ANKFN1: variants seen among roughly 807,000 people sequenced by gnomAD.
ANKFN1 encodes the protein ankyrin repeat and fibronectin type III domain containing 1.
A neutral mutation model predicts 108.7 loss-of-function variants in ANKFN1; 74 were observed. The ratio of observed to expected loss-of-function variants is 0.68; its 90% CI spans 0.56 to 0.83. The LOEUF is 0.83. ANKFN1 is among the 40% of genes least tolerant of loss of function. ANKFN1 has a pLI of 0.00. For missense variants in ANKFN1, 1,505 were observed against 1,382.3 expected (o/e 1.09, Z -1.41); for synonymous variants, 547 against 516.2 (o/e 1.06, Z -0.81).
Position 56,513,834 on chromosome 17 carries a change from C to T in ANKFN1, c.*2565C>T, listed in dbSNP as rs980366183. Reference sequence around the variant, plus strand: ...ATCAATTGAAAATGCATTTTCTTAGCAACATTCTTAAATAAAAGTGGGTAT... The same window carrying T: ...ATCAATTGAAAATGCATTTTCTTAGTAACATTCTTAAATAAAAGTGGGTAT... On this transcript the variant is annotated 3_prime_UTR_variant, in exon 21 of 21. Transcript: ENST00000682825. 2.6e-5 allele frequency among the ~76,000 whole-genome samples: 4 copies of T among 152,166 alleles called. No homozygotes were observed. The highest frequency in any genetic ancestry group is 9.7e-5 in the African/African-American group (4 of 41,444).
At chr17:56,207,852 G>T (rs1465647991) in intron 1 of ANKFN1, among the ~76,000 whole-genome samples, 1 of 152,068 alleles carries the variant, frequency 6.6e-6, no homozygotes, top group South Asian at 2.1e-4. Flanking sequence ...TAGATGTGAA[G>T]CCAGTAACTT....
chr17:56,197,461 A>G (rs1913627315), intron 1 of ANKFN1, among the ~76,000 whole-genome samples: 1 of 152,202 alleles, frequency 6.6e-6, no homozygotes, highest in African/African-American at 2.4e-5. Context: ...AAACCATCGG[A>G]TGGAGGTGTC....
intron 20 of ANKFN1, among the ~76,000 whole-genome samples, chr17:56,508,793 T>G (rs1054084408): frequency 2.6e-5 from 4 of 152,222 alleles, no homozygotes; most frequent in African/African-American, 7.2e-5. Flanking sequence ...CATACTTTCT[T>G]TATACATCCA....
chr17:56,073,800 A>G (rs1489124255), intron 4 of ANKFN1, among the ~76,000 whole-genome samples: 1 of 152,178 alleles, frequency 6.6e-6, no homozygotes. Flanking sequence ...CACTTAGCAT[A>G]ATGTTTGTAA....
At chr17:56,409,508 T>C (rs2048024750) in intron 8 of ANKFN1, among the ~76,000 whole-genome samples, 1 of 152,216 alleles carries the variant, frequency 6.6e-6, no homozygotes, top group Admixed American at 6.5e-5. Flanking sequence ...CTTCTGGGAC[T>C]TGGAGTTGAA....
intron 6 of ANKFN1, among the ~76,000 whole-genome samples, chr17:56,360,934 C>A (rs574588886): frequency 4.6e-5 from 7 of 152,240 alleles, no homozygotes; most frequent in African/African-American, 1.7e-4. Context: ...ATTAGATCCC[C>A]AGATCTTGTT....
At position 56,372,617 on chromosome 17, in the gene ANKFN1, G is replaced by C. The variant is rs780327874; in HGVS notation, c.602-29G>C. On this transcript the variant is annotated intron_variant, in intron 6 of 20. Transcript: ENST00000682825. ...GAAGCAGCATTTCCCCAGAAAGAAA[G>C]AGAAGTAATCCCATTTCTTTCCCTT... The C allele has an allele frequency of 8.9e-6, 14 of 1,579,316 alleles. No individual in the cohort carries two copies. The East Asian group carries it at 2.9e-4, about 33-fold the overall frequency.
chr17:56,316,036 A>G (rs370437924), intron 3 of ANKFN1, among the ~76,000 whole-genome samples: 33 of 152,190 alleles, frequency 2.2e-4, no homozygotes, highest in African/African-American at 7.7e-4. Flanking sequence ...CTTAGGTCAG[A>G]CGCTCCTGAC....
Position 56,457,307 on chromosome 17 carries a change from C to A in ANKFN1, c.1358C>A (p.Thr453Asn), listed in dbSNP as rs750154111. 6.2e-7 allele frequency: 1 copy of A among 1,602,552 alleles called. No individual in the cohort carries two copies. Among genetic ancestry groups the A allele is most frequent in the South Asian group, 1.1e-5 (1 of 89,728 alleles). Residue 453 changes from threonine (T) to asparagine (N), a missense_variant, in exon 13 of 21, where the codon ACC (threonine) becomes AAC (asparagine). Physicochemically the swap from Thr to Asn is moderately conservative, Grantham distance 65. Transcript: ENST00000682825. Reference protein sequence around the residue: ...IFYYKDNILVTNEDQVPIVEI... With the variant: ...IFYYKDNILVNNEDQVPIVEI... ...TATTACAAAGACAATATCTTAGTCA[C>A]CAATGAAGATCAAGTACCAATTGTT... is the stretch of plus-strand genomic sequence containing the variant.
At chr17:56,168,624 C>T (rs28464410) in intron 1 of ANKFN1, among the ~76,000 whole-genome samples, 3,468 of 152,256 alleles carry the variant, frequency 0.023, 138 homozygotes, top group African/African-American at 0.079. Context: ...TCTAGAATAT[C>T]GATAGACATC....
At chr17:56,198,922 C>T (rs1311301562) in intron 1 of ANKFN1, among the ~76,000 whole-genome samples, 2 of 152,190 alleles carry the variant, frequency 1.3e-5, no homozygotes, top group Non-Finnish European at 2.9e-5. Flanking sequence ...TCTAATCCTT[C>T]TTCTTAATAA....
chr17:56,360,260 C>G (rs1290425615), intron 6 of ANKFN1, among the ~76,000 whole-genome samples: 1 of 152,198 alleles, frequency 6.6e-6, no homozygotes, highest in Non-Finnish European at 1.5e-5. Flanking sequence ...GCCAGGCTAT[C>G]TTACCATAGG....
chr17:56,271,384 T>G (rs2043790504), intron 3 of ANKFN1, among the ~76,000 whole-genome samples: 1 of 152,188 alleles, frequency 6.6e-6, no homozygotes, highest in Admixed American at 6.5e-5. Flanking sequence ...CCACTGAATC[T>G]TCAGTGTCTA....
intron 3 of ANKFN1, among the ~76,000 whole-genome samples, chr17:56,263,000 G>C (rs983913015): frequency 6.6e-6 from 1 of 152,166 alleles, no homozygotes; most frequent in Non-Finnish European, 1.5e-5. Flanking sequence ...GTACATTTGT[G>C]CTCGAATGAC....
At chr17:56,255,066 G>T (rs1416607329) in intron 3 of ANKFN1, among the ~76,000 whole-genome samples, 2 of 152,184 alleles carry the variant, frequency 1.3e-5, no homozygotes, top group Admixed American at 6.5e-5. Flanking sequence ...TTATAGAAAG[G>T]ACTGAGGGTG....
At chr17:56,071,323 C>A (rs1567781380) in intron 4 of ANKFN1, among the ~76,000 whole-genome samples, 1 of 152,164 alleles carries the variant, frequency 6.6e-6, no homozygotes, top group African/African-American at 2.4e-5. Context: ...TACTTAACCC[C>A]ATAAACTTTG....
intron 3 of ANKFN1, among the ~76,000 whole-genome samples, chr17:56,250,740 G>A (rs2043215109): frequency 6.6e-6 from 1 of 152,222 alleles, no homozygotes; most frequent in East Asian, 1.9e-4. Context: ...CATTATGTAT[G>A]ACCATTTTTT....
intron 4 of ANKFN1, among the ~76,000 whole-genome samples, chr17:56,105,146 G>A (rs1905720848): frequency 6.6e-6 from 1 of 152,160 alleles, no homozygotes; most frequent in Non-Finnish European, 1.5e-5. Context: ...ATGAACCTGG[G>A]TAGCATCTTT....
chr17:56,204,593 G>A (rs987150509), intron 1 of ANKFN1, among the ~76,000 whole-genome samples: 4 of 151,978 alleles, frequency 2.6e-5, no homozygotes, highest in African/African-American at 9.7e-5. Flanking sequence ...TGCCCACCTC[G>A]GCCTCCCGAA....
Sources: gnomAD v4.1 joint callset for allele counts (sites outside exome capture counted in the v4.1 genomes callset) on GRCh38, gnomAD v4.1.1 for gene constraint, MANE v1.5 for transcripts, NCBI Gene and HGNC (gene_info 2026-07-23, HGNC 2026-07-21) for gene names.